The following CAMKMT variants were observed in gnomAD, a reference collection of about 807,000 sequenced individuals.
CAMKMT encodes CaM KMT.
Under a neutral mutation model 48.0 loss-of-function variants are expected in CAMKMT, and 53 were observed. That is an observed-to-expected ratio of 1.10 (90% CI 0.89 to 1.39). The LOEUF (loss-of-function observed/expected upper bound fraction) is 1.39, where lower values mean the gene tolerates loss of function less well. Ranked by LOEUF, CAMKMT falls within the 40% of genes most tolerant of loss-of-function variation. The pLI is 0.00. For synonymous variants in CAMKMT, 165 were observed against 152.3 expected (o/e 1.08, Z -0.61); for missense variants, 428 against 402.7 (o/e 1.06, Z -0.54).
chr2:44,395,643 T>C (rs1003481107), intron 3 of CAMKMT, among the ~76,000 whole-genome samples: 2 of 152,284 alleles, frequency 1.3e-5, no homozygotes, highest in Admixed American at 6.5e-5. Flanking sequence ...TAACTCCTTA[T>C]GTAAAATTGA....
chr2:44,726,711 G>A (rs1043432236), intron 7 of CAMKMT, among the ~76,000 whole-genome samples: 36 of 152,208 alleles, frequency 2.4e-4, no homozygotes, highest in African/African-American at 8.7e-4. Flanking sequence ...TGTCAAGAGA[G>A]TATTTCCTAG....
chr2:44,537,965 C>T (rs138199050), intron 3 of CAMKMT, among the ~76,000 whole-genome samples: 3 of 152,190 alleles, frequency 2.0e-5, no homozygotes, highest in African/African-American at 4.8e-5. Context: ...ATCTACCCAA[C>T]GGAAAAGAAA....
intron 3 of CAMKMT, chr2:44,394,790 C>T (rs552213761): frequency 2.2e-6 from 1 of 450,514 alleles, no homozygotes; most frequent in South Asian, 1.6e-5. Flanking sequence ...ATAGCAGAAT[C>T]TGTTTGTCTG....
intron 3 of CAMKMT, among the ~76,000 whole-genome samples, chr2:44,539,538 G>A (rs1666975779): frequency 6.6e-6 from 1 of 152,054 alleles, no homozygotes; most frequent in South Asian, 2.1e-4. Context: ...ACCATATTCA[G>A]ATTTCATCAA....
At chr2:44,549,795 C>A in intron 3 of CAMKMT, 1 of 424,790 alleles carries the variant, frequency 2.4e-6, no homozygotes, top group Non-Finnish European at 4.2e-6. Context: ...CATCCTAGAA[C>A]AAAGACATAG....
intron 3 of CAMKMT, among the ~76,000 whole-genome samples, chr2:44,407,361 C>T (rs1682856715): frequency 1.3e-5 from 2 of 151,930 alleles, no homozygotes; most frequent in Admixed American, 1.3e-4. Context: ...TTGGCCATAC[C>T]CTGTGCACAT....
intron 3 of CAMKMT, among the ~76,000 whole-genome samples, chr2:44,686,286 G>A (rs924936561): frequency 9.2e-5 from 14 of 151,698 alleles, no homozygotes; most frequent in East Asian, 1.9e-4. Flanking sequence ...CCAGCTACTC[G>A]GGAGGCTGAG....
intron 1 of CAMKMT, among the ~76,000 whole-genome samples, chr2:44,364,849 T>C (rs1356970484): frequency 6.6e-6 from 1 of 152,286 alleles, no homozygotes; most frequent in East Asian, 1.9e-4. Context: ...CTCATGGTGA[T>C]AGCAGAGGTA....
At chr2:44,396,647 G>A (rs975379030) in intron 3 of CAMKMT, among the ~76,000 whole-genome samples, 1 of 151,858 alleles carries the variant, frequency 6.6e-6, no homozygotes, top group Non-Finnish European at 1.5e-5. Context: ...TGGTGGAGGG[G>A]GGTAGGTAAA....
intron 3 of CAMKMT, among the ~76,000 whole-genome samples, chr2:44,416,964 C>T (rs190473823): frequency 2.3e-4 from 35 of 151,020 alleles, no homozygotes; most frequent in African/African-American, 7.5e-4. Flanking sequence ...GACAGGGTCT[C>T]CCTCTGTTGC....
At chr2:44,767,751 G>C (rs1573258964) in intron 10 of CAMKMT, among the ~76,000 whole-genome samples, 1 of 152,038 alleles carries the variant, frequency 6.6e-6, no homozygotes, top group Non-Finnish European at 1.5e-5. Context: ...CTAAAAAAAA[G>C]CGGGTCTTTA....
intron 3 of CAMKMT, among the ~76,000 whole-genome samples, chr2:44,624,551 C>A (rs2103945439): frequency 6.6e-6 from 1 of 152,098 alleles, no homozygotes; most frequent in South Asian, 2.1e-4. Context: ...TTGTTCAGTT[C>A]CTACCTATGA....
At chr2:44,677,815 C>G (rs151280115) in intron 3 of CAMKMT, among the ~76,000 whole-genome samples, 1 of 152,230 alleles carries the variant, frequency 6.6e-6, no homozygotes, top group African/African-American at 2.4e-5. Context: ...CCATTCCAAT[C>G]TCCTTGCTCT....
chr2:44,366,080 T>C (rs886681555), intron 1 of CAMKMT, among the ~76,000 whole-genome samples: 2 of 152,276 alleles, frequency 1.3e-5, no homozygotes, highest in Non-Finnish European at 2.9e-5. Context: ...TAGTAAACTT[T>C]TAAGCAACTT....
At chr2:44,695,423 A>T (rs1271528233) in intron 3 of CAMKMT, among the ~76,000 whole-genome samples, 1 of 152,142 alleles carries the variant, frequency 6.6e-6, no homozygotes, top group African/African-American at 2.4e-5. Context: ...CCCCCTACTC[A>T]CTATTCTTCC....
At chr2:44,591,315 T>A (rs1161040242) in intron 3 of CAMKMT, among the ~76,000 whole-genome samples, 5 of 152,276 alleles carry the variant, frequency 3.3e-5, no homozygotes, top group South Asian at 2.1e-4. Flanking sequence ...CTTGATGGGG[T>A]TGGCATTGAA....
rs1572946713 is a variant in CAMKMT at position 44,626,760 on chromosome 2, CAT to C, written c.377-77520_377-77519del. ...ATCATTTTGGGGGTTAGGATTTCAACATATGAATTTTGGGGGGACACAACATT... is the reference window on the plus strand; with the variant it reads ...ATCATTTTGGGGGTTAGGATTTCAACATGAATTTTGGGGGGACACAACATT... On this transcript the variant is annotated intron_variant, in intron 3 of 10. Transcript: ENST00000378494. Among the ~76,000 whole-genome samples, 3 of 152,288 alleles carry C rather than the reference CAT, an allele frequency of 2.0e-5. No homozygotes were observed. In the East Asian group the frequency reaches 5.8e-4, roughly 29 times the overall value.
intron 3 of CAMKMT, among the ~76,000 whole-genome samples, chr2:44,420,996 A>G (rs1015544220): frequency 2.6e-5 from 4 of 152,188 alleles, no homozygotes; most frequent in African/African-American, 9.6e-5. Context: ...ATTGATTCTC[A>G]GCTTTGCTTA....
intron 3 of CAMKMT, among the ~76,000 whole-genome samples, chr2:44,567,019 A>G (rs1168155790): frequency 1.3e-5 from 2 of 152,248 alleles, no homozygotes; most frequent in Non-Finnish European, 2.9e-5. Flanking sequence ...AGCTTGGGGG[A>G]AAAGAATAGC....
Sources: gnomAD v4.1 joint callset for allele counts (sites outside exome capture counted in the v4.1 genomes callset) on GRCh38, gnomAD v4.1.1 for gene constraint, MANE v1.5 for transcripts, NCBI Gene and HGNC (gene_info 2026-07-23, HGNC 2026-07-21) for gene names.